ARHGEF9: variants seen among roughly 807,000 people sequenced by gnomAD.
ARHGEF9 encodes Cdc42 guanine nucleotide exchange factor 9.
Under a neutral mutation model 41.3 loss-of-function variants are expected in ARHGEF9, and 2 were observed. The ratio of observed to expected loss-of-function variants is 0.05; its 90% CI spans 0.02 to 0.15. ARHGEF9 has a LOEUF of 0.15. Among genes scored for constraint, ARHGEF9 ranks in the 10% least tolerant of loss-of-function variants. The pLI is 1.00. For missense variants in ARHGEF9, 225 were observed against 424.7 expected, an observed-to-expected ratio of 0.53 and a Z score of 4.13; for synonymous variants, 160 against 154.4, an observed-to-expected ratio of 1.04 and a Z score of -0.27.
intron 7 of ARHGEF9, among the ~76,000 whole-genome samples, chrX:63,660,897 C>T (rs189542114): frequency 2.5e-4 from 28 of 111,421 alleles, no homozygotes; most frequent in African/African-American, 7.8e-4. Context: ...AGCTCATGGG[C>T]GAAAGGAGAT....
At chrX:63,739,067 T>C (rs2054788052) in intron 1 of ARHGEF9, among the ~76,000 whole-genome samples, 1 of 111,787 alleles carries the variant, frequency 8.9e-6, no homozygotes, top group Admixed American at 9.5e-5. Flanking sequence ...GTTCTTGGAT[T>C]ATTTCCATAA....
chrX:63,773,937 C>T (rs1382271674), intron 1 of ARHGEF9, among the ~76,000 whole-genome samples: 2 of 110,387 alleles, frequency 1.8e-5, no homozygotes, highest in East Asian at 2.9e-4. Context: ...GGTTCTCAGG[C>T]CTTCATACTA....
intron 2 of ARHGEF9, among the ~76,000 whole-genome samples, chrX:63,707,705 C>T (rs1556403607): frequency 8.9e-6 from 1 of 111,740 alleles, no homozygotes; most frequent in African/African-American, 3.3e-5. Context: ...TAGATGCATC[C>T]CTATTTCTGC....
At chrX:63,681,382 T>A (rs2050613900) in intron 4 of ARHGEF9, among the ~76,000 whole-genome samples, 1 of 111,973 alleles carries the variant, frequency 8.9e-6, no homozygotes, top group Middle Eastern at 4.2e-3. Flanking sequence ...TTTAAGAAGA[T>A]CAACATCATA....
chrX:63,706,853 G>A (rs1275642001), intron 2 of ARHGEF9, among the ~76,000 whole-genome samples: 1 of 112,310 alleles, frequency 8.9e-6, no homozygotes, highest in African/African-American at 3.2e-5. Flanking sequence ...AAAGTTTAGT[G>A]TTGATTTCTG....
intron 2 of ARHGEF9, chrX:63,723,045 C>G (rs782629058): frequency 5.4e-5 from 6 of 111,558 alleles, no homozygotes; most frequent in Non-Finnish European, 1.1e-4. Flanking sequence ...GATTTTTTAC[C>G]TTGAGGAAGG....
At chrX:63,668,687 G>A (rs1556351715) in intron 6 of ARHGEF9, among the ~76,000 whole-genome samples, 1 of 111,977 alleles carries the variant, frequency 8.9e-6, no homozygotes, top group African/African-American at 3.2e-5. Context: ...CTCAACATAA[G>A]TGATACTTAT....
chrX:63,698,601 C>CT (rs1392665080), intron 3 of ARHGEF9, among the ~76,000 whole-genome samples: 2 of 111,159 alleles, frequency 1.8e-5, no homozygotes, highest in African/African-American at 6.6e-5. Context: ...AGCCCTGTCC[C>CT]TATCCTCGCT....
In ARHGEF9 at chrX:63,635,083, G is replaced by T; in HGVS notation, c.*2945C>A. 1 of 318,642 alleles carries T rather than the reference G, an allele frequency of 3.1e-6. No homozygotes were observed. The highest frequency in any genetic ancestry group is 5.4e-6 in the Non-Finnish European group (1 of 185,549). The allele number at this position is 318,642 out of a possible 1,213,427, so 26.3% of individuals were successfully genotyped here. A position where few individuals can be genotyped will look rare whatever the true frequency, so the allele number is the denominator to read the frequency against. On this transcript the variant is annotated 3_prime_UTR_variant, in exon 10 of 10. Transcript: ENST00000671741. ...ACAACTTTGACACTTGTTTGACAGAGTCAGTCAGATAAAAGAAACAAAAGA... is the reference window on the plus strand; with the variant it reads ...ACAACTTTGACACTTGTTTGACAGATTCAGTCAGATAAAAGAAACAAAAGA...
chrX:63,699,677 G>C (rs1255266406), intron 3 of ARHGEF9, among the ~76,000 whole-genome samples: 3 of 111,773 alleles, frequency 2.7e-5, no homozygotes, highest in Non-Finnish European at 5.6e-5. Flanking sequence ...AGGATGGTAG[G>C]ACCTTAGAAT....
chrX:63,721,704 T>C (rs1230809646), intron 2 of ARHGEF9, among the ~76,000 whole-genome samples: 2 of 110,929 alleles, frequency 1.8e-5, no homozygotes, highest in Non-Finnish European at 3.8e-5. Context: ...TACCCTTAGC[T>C]CCTAGCAGGG....
chrX:63,654,078 GTT>G (rs782508622), intron 8 of ARHGEF9, among the ~76,000 whole-genome samples: 93 of 89,248 alleles, frequency 1.0e-3, no homozygotes, highest in African/African-American at 3.6e-3. Context: ...ATGTTCATGT[GTT>G]TTTTTTTTTT....
chrX:63,769,595 G>A (rs2056169840), intron 1 of ARHGEF9, among the ~76,000 whole-genome samples: 1 of 111,872 alleles, frequency 8.9e-6, no homozygotes, highest in African/African-American at 3.3e-5. Context: ...CATAGACATA[G>A]AGGTTTAGGA....
At chrX:63,648,199 A>G (rs2048261348) in intron 8 of ARHGEF9, among the ~76,000 whole-genome samples, 1 of 111,634 alleles carries the variant, frequency 9.0e-6, no homozygotes, top group Admixed American at 9.5e-5. Context: ...GCAACCAGAG[A>G]GAAAGGTCGG....
chrX:63,718,663 T>C (rs2053466365), intron 2 of ARHGEF9, among the ~76,000 whole-genome samples: 1 of 112,056 alleles, frequency 8.9e-6, no homozygotes, highest in Non-Finnish European at 1.9e-5. Context: ...TGTCAACTCT[T>C]AAATACCATC....
At chrX:63,754,408 ATTTT>A (rs373743708) in intron 1 of ARHGEF9, 1 of 903,972 alleles carries the variant, frequency 1.1e-6, no homozygotes, top group Non-Finnish European at 1.5e-6. Context: ...TCTGTCTGTG[ATTTT>A]TTTTTTTTCT....
At chrX:63,754,815 G>A (rs1468595352) in intron 1 of ARHGEF9, 5 of 938,872 alleles carry the variant, frequency 5.3e-6, no homozygotes, top group Non-Finnish European at 5.3e-6. Flanking sequence ...TTTGTCCCTA[G>A]CTGAGAAATC....
chrX:63,698,051 A>G (rs1439548972), intron 3 of ARHGEF9, among the ~76,000 whole-genome samples: 1 of 108,655 alleles, frequency 9.2e-6, no homozygotes, highest in Non-Finnish European at 1.9e-5. Flanking sequence ...CAACAAGCCT[A>G]TGTGTGCCTG....
chrX:63,682,133 CAATAAATAAATAAATAAATA>C (rs572010099), intron 4 of ARHGEF9, among the ~76,000 whole-genome samples: 2 of 101,524 alleles, frequency 2.0e-5, no homozygotes, highest in Non-Finnish European at 4.0e-5. Context: ...TTAAACTCTT[CAATAAATAAATAAATAAATA>C]AATAAATAAA....
Sources: allele counts gnomAD v4.1 joint callset (sites outside exome capture counted in the v4.1 genomes callset), GRCh38; gene constraint gnomAD v4.1.1; transcripts MANE v1.5; gene names NCBI Gene and HGNC (gene_info 2026-07-23, HGNC 2026-07-21).